GRM7: variants seen among roughly 807,000 people sequenced by gnomAD.
The protein encoded by GRM7 is glutamate metabotropic receptor 7, also known as metabotropic glutamate receptor 7.
GRM7 carries 35 observed loss-of-function variants against 84.5 expected under a neutral mutation model. That is an observed-to-expected ratio of 0.41 (90% CI 0.32 to 0.55). The LOEUF is 0.55. Ranked by LOEUF, GRM7 falls within the 20% of genes least tolerant of loss-of-function variation. The pLI, the probability that GRM7 is intolerant of heterozygous loss-of-function variation, is 0.19. For synonymous variants in GRM7, 487 were observed against 455.1 expected, an observed-to-expected ratio of 1.07 and a Z score of -0.89; for missense variants, 1,003 against 1,194.6, an observed-to-expected ratio of 0.84 and a Z score of 2.36.
intron 8 of GRM7, among the ~76,000 whole-genome samples, chr3:7,588,418 G>A (rs760275769): frequency 8.5e-5 from 13 of 152,248 alleles, no homozygotes; most frequent in South Asian, 6.2e-4. Flanking sequence ...GGCTCTGTTC[G>A]CCTGGCTGGG....
intron 1 of GRM7, among the ~76,000 whole-genome samples, chr3:6,874,083 AG>A (rs1695219832): frequency 6.6e-6 from 1 of 152,180 alleles, no homozygotes; most frequent in Non-Finnish European, 1.5e-5. Flanking sequence ...AACCTCTCTA[AG>A]CCTGTGTCTA....
intron 7 of GRM7, among the ~76,000 whole-genome samples, chr3:7,496,171 G>A (rs1468545571): frequency 6.6e-6 from 1 of 152,130 alleles, no homozygotes; most frequent in African/African-American, 2.4e-5. Flanking sequence ...TCAAAAGTCA[G>A]CAGTGCTAAA....
At chr3:7,474,826 A>G (rs1311582664) in intron 7 of GRM7, among the ~76,000 whole-genome samples, 1 of 152,186 alleles carries the variant, frequency 6.6e-6, no homozygotes, top group Non-Finnish European at 1.5e-5. Context: ...TAAGTGAAAT[A>G]AGAGCTGCTC....
chr3:7,405,830 A>G (rs762139826), intron 4 of GRM7, among the ~76,000 whole-genome samples: 5 of 152,232 alleles, frequency 3.3e-5, no homozygotes, highest in Non-Finnish European at 5.9e-5. Context: ...ATCACTCATC[A>G]TCTATTCATC....
chr3:7,117,139 T>G (rs1464018400), intron 1 of GRM7, among the ~76,000 whole-genome samples: 1 of 151,690 alleles, frequency 6.6e-6, no homozygotes, highest in East Asian at 1.9e-4. Flanking sequence ...CCTCAAAGAG[T>G]GGAGGAGATG....
Position 6,861,925 on chromosome 3 carries a change from C to G in GRM7, c.519+18C>G, listed in dbSNP as rs150593300. ...TCTTCCAGGTAGGGATGCGCTCCCT[C>G]CGGGGCGGAGCACACAGTGGCTACC... On this transcript the variant is annotated intron_variant, in intron 1 of 9. Coordinates refer to ENST00000357716, the MANE Select transcript of GRM7 (RefSeq NM_000844.4). This position sits in a 1 kb window ranked among gnomAD's most constrained non-coding sequence, Gnocchi z 6.4. The G allele has an allele frequency of 3.1e-6, 5 of 1,591,308 alleles. No homozygotes were observed. In the East Asian group the frequency reaches 1.1e-4, roughly 36 times the overall value.
At chr3:7,430,830 C>T (rs1420791877) in intron 5 of GRM7, among the ~76,000 whole-genome samples, 1 of 152,156 alleles carries the variant, frequency 6.6e-6, no homozygotes, top group Non-Finnish European at 1.5e-5. Context: ...GGGAAGTTTG[C>T]TTACTAACAA....
At chr3:7,611,258 G>A (rs948590519) in intron 8 of GRM7, among the ~76,000 whole-genome samples, 2 of 152,162 alleles carry the variant, frequency 1.3e-5, no homozygotes, top group Admixed American at 6.6e-5. Flanking sequence ...CTGGCCAATA[G>A]TGAGTGCTAA....
intron 1 of GRM7, among the ~76,000 whole-genome samples, chr3:6,972,742 G>C (rs1256813766): frequency 1.3e-5 from 2 of 152,200 alleles, no homozygotes; most frequent in African/African-American, 4.8e-5. Context: ...GTGTTAGGCA[G>C]AGATGGTTAG....
chr3:7,531,776 C>T (rs1701045931), intron 7 of GRM7, among the ~76,000 whole-genome samples: 1 of 152,106 alleles, frequency 6.6e-6, no homozygotes, highest in African/African-American at 2.4e-5. Context: ...TCCTCTCTTC[C>T]TATTTGAATA....
intron 7 of GRM7, among the ~76,000 whole-genome samples, chr3:7,560,062 G>A (rs144767002): frequency 9.2e-5 from 14 of 152,068 alleles, no homozygotes; most frequent in African/African-American, 3.1e-4. Context: ...ATGACTTTGC[G>A]GTAGGAGGAC....
intron 9 of GRM7, among the ~76,000 whole-genome samples, chr3:7,705,857 C>T (rs1414572826): frequency 6.6e-6 from 1 of 152,120 alleles, no homozygotes. Context: ...GAGTTTTAAT[C>T]ACAGAAGGTA....
intron 4 of GRM7, among the ~76,000 whole-genome samples, chr3:7,309,789 G>A (rs1416943622): frequency 6.6e-6 from 1 of 152,184 alleles, no homozygotes; most frequent in East Asian, 1.9e-4. Context: ...CCCCCCTTTC[G>A]ATTTAATGAT....
intron 2 of GRM7, among the ~76,000 whole-genome samples, chr3:7,276,805 T>TCCTTCCTTCC (rs1699086677): frequency 3.0e-3 from 4 of 1,342 alleles, no homozygotes; most frequent in African/African-American, 3.5e-3. Context: ...CTTCCTTCCT[T>TCCTTCCTTCC]TTTGGTGGTG....
intron 1 of GRM7, among the ~76,000 whole-genome samples, chr3:7,017,707 C>T (rs570002226): frequency 3.3e-5 from 5 of 152,200 alleles, no homozygotes; most frequent in South Asian, 4.1e-4. Flanking sequence ...GTTCATGGTA[C>T]GCAGTGAAGC....
At chr3:7,271,415 C>T (rs1440191788) in intron 2 of GRM7, among the ~76,000 whole-genome samples, 3 of 151,592 alleles carry the variant, frequency 2.0e-5, no homozygotes, top group African/African-American at 4.8e-5. Context: ...AAAAATTAGC[C>T]GGGCGTGGTG....
intron 6 of GRM7, among the ~76,000 whole-genome samples, chr3:7,460,538 G>A (rs545984090): frequency 2.0e-5 from 3 of 152,202 alleles, no homozygotes; most frequent in East Asian, 3.9e-4. Context: ...TTTGTAAATG[G>A]CATGAAATAG....
intron 1 of GRM7, among the ~76,000 whole-genome samples, chr3:6,982,044 C>T (rs1694226628): frequency 6.6e-6 from 1 of 152,228 alleles, no homozygotes; most frequent in African/African-American, 2.4e-5. Context: ...TGGAATCAAC[C>T]TAGGTACCCA....
At chr3:7,726,386 T>C (rs1388760754) in intron 9 of GRM7, among the ~76,000 whole-genome samples, 2 of 151,724 alleles carry the variant, frequency 1.3e-5, no homozygotes, top group Non-Finnish European at 2.9e-5. Flanking sequence ...ACTTTCAATA[T>C]AAAAAGATAG....
Sources: allele counts gnomAD v4.1 joint callset (sites outside exome capture counted in the v4.1 genomes callset), GRCh38; gene constraint gnomAD v4.1.1; non-coding constraint Gnocchi (gnomAD v3.1); transcripts MANE v1.5; gene names NCBI Gene and HGNC (gene_info 2026-07-23, HGNC 2026-07-21).